The following SORCS1 variants were observed in gnomAD, a reference collection of about 807,000 sequenced individuals.
SORCS1 encodes the protein sortilin related VPS10 domain containing receptor 1.
Under a neutral mutation model 146.1 loss-of-function variants are expected in SORCS1, and 60 were observed. The observed-to-expected ratio is 0.41, with a 90% CI of 0.33 to 0.51. The LOEUF is 0.51. Among genes scored for constraint, SORCS1 ranks in the 20% least tolerant of loss-of-function variants. SORCS1 has a pLI of 0.21. For synonymous variants in SORCS1, 637 were observed against 584.0 expected (o/e 1.09, Z -1.31); for missense variants, 1,352 against 1,487.6 (o/e 0.91, Z 1.50).
At chr10:106,777,217 C>G (rs764748430) in intron 3 of SORCS1, among the ~76,000 whole-genome samples, 9 of 152,228 alleles carry the variant, frequency 5.9e-5, no homozygotes, top group Non-Finnish European at 1.3e-4. Flanking sequence ...AGTCTAGGCT[C>G]TAAAGCTTTC....
At chr10:106,696,460 G>C (rs529534390) in intron 9 of SORCS1, among the ~76,000 whole-genome samples, 49 of 152,242 alleles carry the variant, frequency 3.2e-4, no homozygotes, top group East Asian at 5.8e-4. Context: ...CTGCCGTTCT[G>C]ATCACATCAA....
chr10:106,956,251 A>G (rs1426743515), intron 2 of SORCS1, among the ~76,000 whole-genome samples: 1 of 152,220 alleles, frequency 6.6e-6, no homozygotes, highest in Admixed American at 6.5e-5. Flanking sequence ...CAGGTCAGTG[A>G]GACAGTGCAT....
intron 11 of SORCS1, 76 bp from the exon 12 acceptor site, chr10:106,679,408 GC>G: frequency 8.1e-7 from 1 of 1,231,324 alleles, no homozygotes; most frequent in Non-Finnish European, 1.2e-6. Context: ...CAGGTGCACT[GC>G]CTGAGAAAGA....
At chr10:107,086,958 G>A (rs1289182983) in intron 1 of SORCS1, among the ~76,000 whole-genome samples, 1 of 152,216 alleles carries the variant, frequency 6.6e-6, no homozygotes, top group Non-Finnish European at 1.5e-5. Flanking sequence ...GAACCTGGGA[G>A]GCGGAGCTTG....
Position 106,811,929 on chromosome 10 carries a change from T to C in SORCS1, c.726+17645A>G, listed in dbSNP as rs1300831394. Among the ~76,000 whole-genome samples the C allele has an allele frequency of 2.0e-5, 3 of 151,994 alleles. 1 individual carries two copies. In the South Asian group the frequency reaches 6.2e-4, roughly 31 times the overall value. On this transcript the variant is annotated intron_variant, in intron 3 of 25. Transcript: ENST00000263054. ...TACATGACCTGGACAATCCACTCAC[T>C]GAATCTTCATTTCCTCAACTTGAAA...
At chr10:106,682,473 A>C (rs1852513302) in intron 10 of SORCS1, among the ~76,000 whole-genome samples, 1 of 152,240 alleles carries the variant, frequency 6.6e-6, no homozygotes, top group Non-Finnish European at 1.5e-5. Flanking sequence ...AACAGTGTGA[A>C]GTGATTCATC....
At chr10:107,023,079 C>T (rs768821812) in intron 1 of SORCS1, among the ~76,000 whole-genome samples, 113 of 152,136 alleles carry the variant, frequency 7.4e-4, no homozygotes, top group Non-Finnish European at 1.4e-3. Context: ...GAGAGGGAGT[C>T]ATAACAACTA....
chr10:106,976,354 C>G (rs1444929205), intron 1 of SORCS1, among the ~76,000 whole-genome samples: 10 of 12,982 alleles, frequency 7.7e-4, no homozygotes, highest in Non-Finnish European at 1.9e-3. Flanking sequence ...TTTTTTGAGA[C>G]GGAGTCTCGC....
intron 1 of SORCS1, among the ~76,000 whole-genome samples, chr10:106,997,638 A>G (rs575936987): frequency 6.6e-6 from 1 of 152,224 alleles, no homozygotes; most frequent in Non-Finnish European, 1.5e-5. Flanking sequence ...GTAGCATCAG[A>G]AATGAGAGAA....
intron 1 of SORCS1, among the ~76,000 whole-genome samples, chr10:107,131,544 G>A (rs1198423687): frequency 6.6e-6 from 1 of 152,066 alleles, no homozygotes. Context: ...CCAACATGGC[G>A]AACCCCCCCA....
chr10:107,137,644 C>T (rs1967433605), intron 1 of SORCS1, among the ~76,000 whole-genome samples: 1 of 152,132 alleles, frequency 6.6e-6, no homozygotes, highest in African/African-American at 2.4e-5. Context: ...GGGCAGATCA[C>T]CTGAGGTCGA....
intron 3 of SORCS1, among the ~76,000 whole-genome samples, chr10:106,793,297 A>C (rs980904064): frequency 1.3e-5 from 2 of 152,244 alleles, no homozygotes; most frequent in African/African-American, 4.8e-5. Flanking sequence ...CAGGGGAATC[A>C]CGTATGCAAA....
At chr10:106,645,264 G>C (rs1476049740) in intron 18 of SORCS1, among the ~76,000 whole-genome samples, 3 of 150,662 alleles carry the variant, frequency 2.0e-5, no homozygotes, top group African/African-American at 7.3e-5. Context: ...CACCTCCTAG[G>C]TTCAGGCGAT....
intron 3 of SORCS1, among the ~76,000 whole-genome samples, chr10:106,821,852 G>A (rs548036743): frequency 3.9e-4 from 59 of 152,066 alleles, no homozygotes; most frequent in South Asian, 3.1e-3. Flanking sequence ...ACCCTGGGAG[G>A]CAGAGCTTGC....
At chr10:107,135,816 T>C (rs1314455341) in intron 1 of SORCS1, among the ~76,000 whole-genome samples, 1 of 152,240 alleles carries the variant, frequency 6.6e-6, no homozygotes, top group Non-Finnish European at 1.5e-5. Context: ...GGGTTTATGT[T>C]TCTTTTTTAA....
chr10:106,620,339 G>A lies in SORCS1; in HGVS notation c.2796+89C>T, dbSNP rs1263012175. On this transcript the variant is annotated intron_variant, in intron 20 of 25. Coordinates refer to ENST00000263054, the MANE Select transcript of SORCS1 (RefSeq NM_052918.5). ...AAGCTACAACTGCTTCTACACTCTA[G>A]GGTTCATAAGCCATTTCATTCCCTC... 4 of 1,513,834 alleles carry A rather than the reference G, an allele frequency of 2.6e-6. 1 individual carries two copies. The highest frequency in any genetic ancestry group is 2.6e-5 in the South Asian group (2 of 77,010). 93.8% of individuals were successfully genotyped at this position (1,513,834 alleles called of 1,614,324 possible). A position where few individuals can be genotyped will look rare whatever the true frequency, so the allele number is the denominator to read the frequency against.
chr10:106,899,022 TG>T (rs1423282430), intron 2 of SORCS1, among the ~76,000 whole-genome samples: 1 of 152,216 alleles, frequency 6.6e-6, no homozygotes, highest in Non-Finnish European at 1.5e-5. Context: ...GTTTACCAGG[TG>T]GATTCTTACT....
chr10:107,080,494 A>T (rs185367825), intron 1 of SORCS1, among the ~76,000 whole-genome samples: 54 of 152,068 alleles, frequency 3.6e-4, no homozygotes, highest in African/African-American at 1.3e-3. Flanking sequence ...CCACTCACAA[A>T]CTCTTCCCTG....
At chr10:106,642,148 G>T (rs925204998) in intron 18 of SORCS1, among the ~76,000 whole-genome samples, 1 of 152,178 alleles carries the variant, frequency 6.6e-6, no homozygotes, top group African/African-American at 2.4e-5. Flanking sequence ...CTGGGACAAA[G>T]AAAAGAGGCT....
Sources: allele counts gnomAD v4.1 joint callset (sites outside exome capture counted in the v4.1 genomes callset), GRCh38; gene constraint gnomAD v4.1.1; transcripts MANE v1.5; gene names NCBI Gene and HGNC (gene_info 2026-07-23, HGNC 2026-07-21).